The following DLGAP1 variants were observed in gnomAD, a reference collection of about 807,000 sequenced individuals.
DLGAP1 encodes DLG associated protein 1, also known as disks large-associated protein 1.
DLGAP1 carries 11 observed loss-of-function variants against 90.8 expected under a neutral mutation model. The ratio of observed to expected loss-of-function variants is 0.12; its 90% CI spans 0.08 to 0.20. The LOEUF is 0.20. Ranked by LOEUF, DLGAP1 falls within the 10% of genes least tolerant of loss-of-function variation. The probability of loss-of-function intolerance (pLI) is 1.00; values close to 1 mark genes in which losing one functional copy is unlikely to be tolerated. For synonymous variants in DLGAP1, 558 were observed against 540.7 expected (o/e 1.03, Z -0.44); for missense variants, 1,050 against 1,333.8 (o/e 0.79, Z 3.31).
intron 7 of DLGAP1, among the ~76,000 whole-genome samples, chr18:3,709,636 A>G (rs1567995118): frequency 6.6e-6 from 1 of 152,210 alleles, no homozygotes; most frequent in African/African-American, 2.4e-5. Flanking sequence ...CAGTGCAGAA[A>G]TTGAAGATTT....
chr18:4,450,732 G>A (rs1274241339), intron 1 of DLGAP1, among the ~76,000 whole-genome samples: 1 of 152,220 alleles, frequency 6.6e-6, no homozygotes, highest in African/African-American at 2.4e-5. Flanking sequence ...AACATTGAGA[G>A]AAGACAGAGA....
intron 1 of DLGAP1, among the ~76,000 whole-genome samples, chr18:4,242,590 C>CAGAA (rs1220700429): frequency 6.6e-6 from 1 of 152,146 alleles, no homozygotes; most frequent in East Asian, 1.9e-4. Flanking sequence ...AAATTCTTTT[C>CAGAA]AGAAACATTT....
chr18:3,643,459 C>T (rs1052897047), intron 7 of DLGAP1, among the ~76,000 whole-genome samples: 10 of 151,790 alleles, frequency 6.6e-5, no homozygotes, highest in Admixed American at 1.3e-4. Context: ...GTCAGGAGAT[C>T]GAGACCATCC....
chr18:4,184,276 G>A (rs1011467617), intron 1 of DLGAP1, among the ~76,000 whole-genome samples: 7 of 152,124 alleles, frequency 4.6e-5, no homozygotes, highest in Non-Finnish European at 8.8e-5. Flanking sequence ...CCCTTGGGAC[G>A]AAAAGCCATA....
chr18:4,400,004 G>A (rs2082519433), intron 1 of DLGAP1, among the ~76,000 whole-genome samples: 1 of 152,072 alleles, frequency 6.6e-6, no homozygotes, highest in African/African-American at 2.4e-5. Flanking sequence ...AAAAGTACAG[G>A]GATGTCAACA....
chr18:3,950,125 T>A (rs2072955020), intron 3 of DLGAP1, among the ~76,000 whole-genome samples: 1 of 152,188 alleles, frequency 6.6e-6, no homozygotes, highest in South Asian at 2.1e-4. Context: ...GATTTACCAC[T>A]TAAAGAATAA....
chr18:4,039,036 A>G, intron 2 of DLGAP1, among the ~76,000 whole-genome samples: 1 of 152,170 alleles, frequency 6.6e-6, no homozygotes, highest in East Asian at 1.9e-4. Context: ...ACGAGGAAAA[A>G]GAGGGTTAAC....
At chr18:4,426,703 G>A (rs540750504) in intron 1 of DLGAP1, among the ~76,000 whole-genome samples, 2 of 152,266 alleles carry the variant, frequency 1.3e-5, no homozygotes, top group South Asian at 4.1e-4. Context: ...TCTAACACAC[G>A]AAGTATCATC....
intron 1 of DLGAP1, among the ~76,000 whole-genome samples, chr18:4,363,633 C>A (rs1276889595): frequency 1.3e-5 from 2 of 152,198 alleles, no homozygotes; most frequent in African/African-American, 4.8e-5. Context: ...GACATTTATG[C>A]AGTCAAAAAA....
At chr18:3,523,826 C>A (rs182376818) in intron 10 of DLGAP1, among the ~76,000 whole-genome samples, 5 of 142,704 alleles carry the variant, frequency 3.5e-5, no homozygotes, top group Admixed American at 7.2e-5. Flanking sequence ...CCAGCCTGGG[C>A]GACAGAGCAA....
At chr18:3,844,662 G>A (rs557800113) in intron 4 of DLGAP1, among the ~76,000 whole-genome samples, 129 of 152,248 alleles carry the variant, frequency 8.5e-4, no homozygotes, top group African/African-American at 3.0e-3. Flanking sequence ...CACATTACCA[G>A]CACGCTGTTA....
chr18:3,882,526 C>CAAAA (rs111965129), intron 3 of DLGAP1, among the ~76,000 whole-genome samples: 2 of 113,718 alleles, frequency 1.8e-5, no homozygotes, highest in South Asian at 2.8e-4. Flanking sequence ...GACCCTGTCT[C>CAAAA]AAAAAAAAAA....
chr18:4,177,674 A>G (rs764429281), intron 1 of DLGAP1, among the ~76,000 whole-genome samples: 1 of 151,974 alleles, frequency 6.6e-6, no homozygotes, highest in Non-Finnish European at 1.5e-5. Context: ...GTGTCTATGT[A>G]TACTCCATGT....
intron 7 of DLGAP1, among the ~76,000 whole-genome samples, chr18:3,602,231 T>C (rs1310470331): frequency 6.6e-6 from 1 of 152,072 alleles, no homozygotes; most frequent in Non-Finnish European, 1.5e-5. Context: ...CCAAAATGCA[T>C]GCTTTTATAC....
Position 3,545,269 on chromosome 18 carries a change from G to A in DLGAP1, c.2058-10654C>T, listed in dbSNP as rs534061566. Among the ~76,000 whole-genome samples, 47 of 150,660 alleles carry A rather than the reference G, an allele frequency of 3.1e-4. No individual in the cohort carries two copies. The South Asian group carries it at 8.4e-3, about 27-fold the overall frequency. ...AGCCTGGGTGACAGAGCAAAACCCC[G>A]TCTCCAAAACAAAAAGAAAAAAAAA... On this transcript the variant is annotated intron_variant, in intron 9 of 12. Coordinates refer to ENST00000315677, the MANE Select transcript of DLGAP1 (RefSeq NM_004746.4).
intron 3 of DLGAP1, among the ~76,000 whole-genome samples, chr18:3,904,054 C>T (rs2071843567): frequency 6.6e-6 from 1 of 152,202 alleles, no homozygotes; most frequent in Non-Finnish European, 1.5e-5. Context: ...ATTTTCCTTC[C>T]TGACCCTAGT....
intron 2 of DLGAP1, among the ~76,000 whole-genome samples, chr18:4,057,345 G>A (rs754496562): frequency 4.6e-5 from 7 of 152,158 alleles, no homozygotes; most frequent in Non-Finnish European, 8.8e-5. Flanking sequence ...ATATGACCTT[G>A]TAGGAACACT....
At chr18:4,286,003 A>G (rs7231155) in intron 1 of DLGAP1, among the ~76,000 whole-genome samples, 15,908 of 151,970 alleles carry the variant, frequency 0.1, 1,660 homozygotes, top group African/African-American at 0.27. Context: ...TACCCCACTC[A>G]GAGAGAGAGA....
At chr18:4,347,504 A>G (rs937326826) in intron 1 of DLGAP1, among the ~76,000 whole-genome samples, 1 of 152,106 alleles carries the variant, frequency 6.6e-6, no homozygotes, top group African/African-American at 2.4e-5. Flanking sequence ...AATGAATACA[A>G]CTAAGTGGGA....
Sources: allele counts gnomAD v4.1 joint callset (sites outside exome capture counted in the v4.1 genomes callset), GRCh38; gene constraint gnomAD v4.1.1; transcripts MANE v1.5; gene names NCBI Gene and HGNC (gene_info 2026-07-23, HGNC 2026-07-21).